The following PSMD11 variants were observed in gnomAD, a reference collection of about 807,000 sequenced individuals.
The protein encoded by PSMD11 is proteasome 26S subunit, non-ATPase 11.
Under a neutral mutation model 62.3 loss-of-function variants are expected in PSMD11, and 5 were observed. The ratio of observed to expected loss-of-function variants is 0.08; its 90% CI spans 0.04 to 0.17. The LOEUF is 0.17. Ranked by LOEUF, PSMD11 falls within the 10% of genes least tolerant of loss-of-function variation. The pLI is 1.00. For synonymous variants in PSMD11, 191 were observed against 191.8 expected, an observed-to-expected ratio of 1.00 and a Z score of 0.03; for missense variants, 310 against 512.9, an observed-to-expected ratio of 0.60 and a Z score of 3.82.
At chr17:32,450,922 G>A (rs1461478803) in intron 2 of PSMD11, among the ~76,000 whole-genome samples, 3 of 150,764 alleles carry the variant, frequency 2.0e-5, no homozygotes, top group Non-Finnish European at 4.4e-5. Context: ...TTTTTTTAAA[G>A]CAGCATGGGT....
At chr17:32,444,655 G>C in intron 1 of PSMD11, 41 bp downstream of exon 1, 1 of 1,608,246 alleles carries the variant, frequency 6.2e-7, no homozygotes, top group Admixed American at 1.7e-5. Context: ...CGCCGGCCCA[G>C]CTCGGCTTAT....
In PSMD11 at chr17:32,450,898, TA is replaced by T. The variant is rs1349276842; in HGVS notation, c.194-3589del. On this transcript the variant is annotated intron_variant, in intron 2 of 13. Coordinates refer to ENST00000261712, the MANE Select transcript of PSMD11 (RefSeq NM_002815.4). ...CACACAGCAAAGACCCTATCTCTGT[TA>T]AAAAAAATTTTTTTTTTTTAAAGCA... Among the ~76,000 whole-genome samples the T allele has an allele frequency of 8.5e-3, 1,268 of 149,580 alleles. 18 individuals are homozygous for T. Among genetic ancestry groups the T allele is most frequent in the African/African-American group, 0.028 (1,151 of 40,754 alleles).
intron 9 of PSMD11, among the ~76,000 whole-genome samples, chr17:32,478,168 G>A (rs1387478626): frequency 6.6e-6 from 1 of 152,208 alleles, no homozygotes; most frequent in East Asian, 1.9e-4. Flanking sequence ...GGGCATTAGG[G>A]TGAGAATTAT....
intron 3 of PSMD11, among the ~76,000 whole-genome samples, chr17:32,457,190 G>A (rs1907677464): frequency 6.6e-6 from 1 of 152,126 alleles, no homozygotes; most frequent in South Asian, 2.1e-4. Context: ...ACACTTTTAG[G>A]CATTGTATCA....
In PSMD11 at chr17:32,482,304, G is replaced by A. The variant is rs1286173726; in HGVS notation, c.*1552G>A. ...CACCATCAGTATCAAATGTACAAAC[G>A]GTTCTTGCTAACCAACACCAGGTAT... On this transcript the variant is annotated 3_prime_UTR_variant, in exon 14 of 14. Transcript: ENST00000261712. The A allele has an allele frequency of 2.0e-5, 3 of 151,910 alleles. No individual in the cohort carries two copies. Among genetic ancestry groups the A allele is most frequent in the Non-Finnish European group, 4.4e-5 (3 of 68,010 alleles). The allele number at this position is 151,910 out of a possible 1,614,324, so 9.4% of individuals were successfully genotyped here.
At chr17:32,479,962 G>A (rs1170916422) in intron 11 of PSMD11, 76 bp downstream of exon 11, 3 of 1,544,758 alleles carry the variant, frequency 1.9e-6, no homozygotes, top group East Asian at 4.5e-5. Flanking sequence ...CACCTGATTG[G>A]CCTCATTGGA....
rs1908523552 is a variant in PSMD11 at position 32,482,395 on chromosome 17, GA to G, written c.*1644del. 6.7e-6 allele frequency: 1 copy of G among 150,178 alleles called. No homozygotes were observed. The highest frequency in any genetic ancestry group is 1.5e-5 in the Non-Finnish European group (1 of 67,732). The allele number at this position is 150,178 out of a possible 1,614,324, so 9.3% of individuals were successfully genotyped here. A position where few individuals can be genotyped will look rare whatever the true frequency, so the allele number is the denominator to read the frequency against. On this transcript the variant is annotated 3_prime_UTR_variant, in exon 14 of 14. Transcript: ENST00000261712. ...TTTTTTCAAAAGGTGTCTTTTTCTT[GA>G]GTGCTGGAGGGCTTCCAAGCAAGTC...
At position 32,482,050 on chromosome 17, in the gene PSMD11, CTT is replaced by C. The variant is rs1045656047; in HGVS notation, c.*1301_*1302del. 3 of 151,928 alleles carry C rather than the reference CTT, an allele frequency of 2.0e-5. No individual in the cohort carries two copies. Among genetic ancestry groups the C allele is most frequent in the African/African-American group, 7.3e-5 (3 of 41,314 alleles). 9.4% of individuals were successfully genotyped at this position (151,928 alleles called of 1,614,324 possible). ...TCTCATCTCCTCTTTGTCTTTTTCTCTTTTCCTCTCCTTCCTGCCTTCTTCTG... is the reference window on the plus strand; with the variant it reads ...TCTCATCTCCTCTTTGTCTTTTTCTCTTCCTCTCCTTCCTGCCTTCTTCTG... On this transcript the variant is annotated 3_prime_UTR_variant, in exon 14 of 14. Coordinates refer to ENST00000261712, the MANE Select transcript of PSMD11 (RefSeq NM_002815.4).
At chr17:32,455,417 G>A (rs751951725) in intron 3 of PSMD11, among the ~76,000 whole-genome samples, 7 of 152,140 alleles carry the variant, frequency 4.6e-5, no homozygotes, top group Non-Finnish European at 5.9e-5. Context: ...ATTTTTTAAC[G>A]GGGAACGCAG....
intron 3 of PSMD11, among the ~76,000 whole-genome samples, chr17:32,461,498 G>A (rs1304227874): frequency 2.0e-5 from 3 of 151,674 alleles, no homozygotes; most frequent in African/African-American, 7.3e-5. Context: ...TTGAACCCAG[G>A]AGGTGGAGGT....
chr17:32,451,912 T>C (rs190305492), intron 2 of PSMD11, among the ~76,000 whole-genome samples: 1 of 152,216 alleles, frequency 6.6e-6, no homozygotes, highest in Non-Finnish European at 1.5e-5. Flanking sequence ...CTAATTTTTG[T>C]AGAGAGGGGG....
intron 12 of PSMD11, 40 bp downstream of exon 12, chr17:32,480,237 G>A: frequency 6.3e-7 from 1 of 1,588,114 alleles, no homozygotes. Context: ...TGGTGGTGGT[G>A]ATGAGATGGT....
In PSMD11 at chr17:32,474,765, C is replaced by T; in HGVS notation, c.790C>T (p.Pro264Ser). ...GACCAAGTATGTCTTTTTTTCTAGCCCAGAAGATGTCCAGGCTTTGGTGAG... is the reference window on the plus strand; with the variant it reads ...GACCAAGTATGTCTTTTTTTCTAGCTCAGAAGATGTCCAGGCTTTGGTGAG... The part of the protein sequence containing the change: ...MLLCKIMLNT[P>S]EDVQALVSGK... The change falls in exon 8 of 14, where the codon CCA becomes TCA. Residue 264 changes from proline to serine, a missense_variant and splice_region_variant. This residue lies in a region of PSMD11 where 135 missense variants were observed against 195.4 expected (regional missense o/e 0.69). Transcript: ENST00000261712. 3 of 1,613,898 alleles carry T rather than the reference C, an allele frequency of 1.9e-6. No homozygotes were observed. Among genetic ancestry groups the T allele is most frequent in the African/African-American group, 2.7e-5 (2 of 74,968 alleles).
intron 5 of PSMD11, among the ~76,000 whole-genome samples, chr17:32,465,138 T>A (rs907433977): frequency 6.6e-6 from 1 of 151,946 alleles, no homozygotes; most frequent in Non-Finnish European, 1.5e-5. Flanking sequence ...TATTATTTTT[T>A]GAGACAGAGT....
At chr17:32,445,384 T>G (rs896181090) in intron 1 of PSMD11, 1 of 152,278 alleles carries the variant, frequency 6.6e-6, no homozygotes, top group East Asian at 1.9e-4. Flanking sequence ...GCCGCGGAGT[T>G]CAGGGAATTC....
intron 2 of PSMD11, among the ~76,000 whole-genome samples, chr17:32,449,173 G>A (rs1907418989): frequency 6.6e-6 from 1 of 152,198 alleles, no homozygotes; most frequent in Non-Finnish European, 1.5e-5. Context: ...GGTAGGCTGA[G>A]GTAGGAGGAT....
At chr17:32,461,307 G>C (rs1907834205) in intron 3 of PSMD11, among the ~76,000 whole-genome samples, 1 of 152,158 alleles carries the variant, frequency 6.6e-6, no homozygotes, top group Admixed American at 6.5e-5. Context: ...TCGAACCCCT[G>C]ACCTCGTGAT....
rs757777294 is a variant in PSMD11 at position 32,444,523 on chromosome 17, G to A, written c.-1G>A. 3 of 1,595,184 alleles carry A rather than the reference G, an allele frequency of 1.9e-6. No individual in the cohort carries two copies. Among genetic ancestry groups the A allele is most frequent in the Admixed American group, 3.5e-5 (2 of 56,790 alleles). On this transcript the variant is annotated 5_prime_UTR_variant, in exon 1 of 14. Coordinates refer to ENST00000261712, the MANE Select transcript of PSMD11 (RefSeq NM_002815.4). ...GCCGGGGACGGTGTGAGAGCGGTAA[G>A]ATGGCGGCGGCGGCGGTGGTGGAGT...
chr17:32,460,329 T>G (rs1003506380), intron 3 of PSMD11, among the ~76,000 whole-genome samples: 5 of 152,124 alleles, frequency 3.3e-5, no homozygotes, highest in African/African-American at 1.2e-4. Flanking sequence ...CCAAAGTGCC[T>G]GGATTACGGA....
Sources: allele counts gnomAD v4.1 joint callset (sites outside exome capture counted in the v4.1 genomes callset), GRCh38; gene constraint gnomAD v4.1.1; regional missense constraint gnomAD v4.1.1; transcripts MANE v1.5; gene names NCBI Gene and HGNC (gene_info 2026-07-23, HGNC 2026-07-21).